Variants in COLEC12 observed in about 807,000 individuals in gnomAD.
COLEC12 encodes the protein collectin subfamily member 12, also known as collectin-12.
A neutral mutation model predicts 71.1 loss-of-function variants in COLEC12; 33 were observed. That is an observed-to-expected ratio of 0.46 (90% CI 0.35 to 0.62). The LOEUF (loss-of-function observed/expected upper bound fraction) is 0.62. Ranked by LOEUF, COLEC12 falls within the 20% of genes least tolerant of loss-of-function variation. The pLI is 0.00. For synonymous variants in COLEC12, 350 were observed against 353.0 expected (o/e 0.99, Z 0.10); for missense variants, 765 against 916.1 (o/e 0.84, Z 2.13).
At chr18:322,940 G>C (rs2143406274) in intron 8 of COLEC12, among the ~76,000 whole-genome samples, 2 of 152,244 alleles carry the variant, frequency 1.3e-5, no homozygotes, top group Admixed American at 1.3e-4. Context: ...AAATGAGTAT[G>C]AAGGCCGGGC....
chr18:352,569 C>T (rs1176473035), intron 3 of COLEC12, among the ~76,000 whole-genome samples: 2 of 152,088 alleles, frequency 1.3e-5, no homozygotes, highest in Non-Finnish European at 2.9e-5. Flanking sequence ...AAACTATTTT[C>T]CCTGCCCACA....
chr18:474,112 A>G (rs549025120), intron 2 of COLEC12, among the ~76,000 whole-genome samples: 3 of 152,200 alleles, frequency 2.0e-5, no homozygotes, highest in Non-Finnish European at 4.4e-5. Flanking sequence ...CTTTTCCATT[A>G]AAAATTTTGG....
At chr18:323,088 G>T (rs1370993943) in intron 8 of COLEC12, among the ~76,000 whole-genome samples, 1 of 152,192 alleles carries the variant, frequency 6.6e-6, no homozygotes, top group African/African-American at 2.4e-5. Flanking sequence ...AGCTGGGCAT[G>T]GTGGCAGGCA....
intron 2 of COLEC12, among the ~76,000 whole-genome samples, chr18:387,712 T>C (rs1915375629): frequency 6.6e-6 from 1 of 152,126 alleles, no homozygotes; most frequent in Non-Finnish European, 1.5e-5. Context: ...GCTAGGAAAA[T>C]TTGGGATCTT....
chr18:375,530 A>C (rs1262208787), intron 2 of COLEC12, among the ~76,000 whole-genome samples: 2 of 152,166 alleles, frequency 1.3e-5, no homozygotes, highest in Non-Finnish European at 2.9e-5. Flanking sequence ...TATGTTGCCC[A>C]GGCTGGAGTG....
intron 2 of COLEC12, among the ~76,000 whole-genome samples, chr18:369,058 T>C (rs56322670): frequency 0.36 from 54,523 of 152,052 alleles, 10,665 homozygotes; most frequent in Admixed American, 0.43. Context: ...CTGGAAGTAT[T>C]CACACCATTG....
chr18:441,844 C>T (rs1001610855), intron 2 of COLEC12, among the ~76,000 whole-genome samples: 1 of 151,654 alleles, frequency 6.6e-6, no homozygotes, highest in Non-Finnish European at 1.5e-5. Flanking sequence ...AAAAAAAATA[C>T]AAAAAATTAG....
intron 2 of COLEC12, among the ~76,000 whole-genome samples, chr18:409,087 C>G (rs1373655642): frequency 6.6e-6 from 1 of 150,608 alleles, no homozygotes; most frequent in Admixed American, 6.7e-5. Flanking sequence ...CCGCCTGCCT[C>G]AGCCTCCCAA....
At chr18:320,118 T>C (rs1913668095) in intron 9 of COLEC12, 54 bp from the exon 10 acceptor site, 3 of 1,025,914 alleles carry the variant, frequency 2.9e-6, no homozygotes, top group Admixed American at 4.4e-5. Context: ...ATAAAGTTAA[T>C]GTGCAATTCA....
rs575952326 is a variant in COLEC12, at chr18:318,016, G to T, written c.*2029C>A. The T allele has an allele frequency of 2.7e-5, 4 of 148,028 alleles. No homozygotes were observed. Among genetic ancestry groups the T allele is most frequent in the Non-Finnish European group, 6.0e-5 (4 of 67,158 alleles). The allele number at this position is 148,028 out of a possible 1,614,324, so 9.2% of individuals were successfully genotyped here. A position where few individuals can be genotyped will look rare whatever the true frequency, so the allele number is the denominator to read the frequency against. On this transcript the variant is annotated 3_prime_UTR_variant, in exon 10 of 10. Transcript: ENST00000400256. ...TTTTTGAGATGAGTCTCGCTCTGTC[G>T]CCCAGGCTGGAGTGCAGTGGCGCGA...
At chr18:467,695 T>C (rs140992600) in intron 2 of COLEC12, among the ~76,000 whole-genome samples, 40 of 152,334 alleles carry the variant, frequency 2.6e-4, no homozygotes, top group Middle Eastern at 6.8e-3. Context: ...GAATCTTCCA[T>C]GTTTGAGTCT....
At chr18:429,749 G>T (rs529801301) in intron 2 of COLEC12, among the ~76,000 whole-genome samples, 261 of 152,272 alleles carry the variant, frequency 1.7e-3, no homozygotes, top group African/African-American at 5.9e-3. Flanking sequence ...ACATAGAGCT[G>T]CATGATGACA....
In COLEC12 at chr18:408,318, C is replaced by CT. The variant is rs1249276459; in HGVS notation, c.59-50797dup. Among the ~76,000 whole-genome samples the CT allele has an allele frequency of 6.6e-6, 1 of 152,182 alleles. No individual in the cohort carries two copies. The highest frequency in any genetic ancestry group is 1.5e-5 in the Non-Finnish European group (1 of 68,034). On this transcript the variant is annotated intron_variant, in intron 2 of 9. Transcript: ENST00000400256. The surrounding 1 kb of genome is among the most constrained non-coding windows in gnomAD (Gnocchi z 4.3). ...CCCTGATACCTGCAAATGTCAGTCT[C>CT]TTTTTCCTAACTCAGCAGGTATCAG... is the stretch of plus-strand genomic sequence containing the variant.
chr18:333,284 T>A, intron 6 of COLEC12, 141 bp from the exon 7 acceptor site: 1 of 651,702 alleles, frequency 1.5e-6, no homozygotes, highest in Non-Finnish European at 2.6e-6. Flanking sequence ...CAGCTGACGT[T>A]CACGGACGTG....
intron 2 of COLEC12, among the ~76,000 whole-genome samples, chr18:398,985 G>C (rs13381676): frequency 4.5e-4 from 68 of 152,346 alleles, no homozygotes; most frequent in African/African-American, 1.6e-3. Flanking sequence ...GTAGTATCCA[G>C]ATCTAAATCC....
chr18:408,485 GA>G lies in COLEC12; in HGVS notation c.59-50964del, dbSNP rs1051687839. On this transcript the variant is annotated intron_variant, in intron 2 of 9. Transcript: ENST00000400256. The surrounding 1 kb of genome is among the most constrained non-coding windows in gnomAD (Gnocchi z 4.3). The stretch of plus-strand genomic sequence containing the variant: ...CAAAAACTCCTGTGGTTCATAAACA[GA>G]AAAAAAAATGTCAGATTTTGAACTT... Among the ~76,000 whole-genome samples the G allele has an allele frequency of 1.3e-5, 2 of 148,928 alleles. No individual in the cohort carries two copies. Among genetic ancestry groups the G allele is most frequent in the African/African-American group, 4.9e-5 (2 of 40,502 alleles).
In COLEC12 at chr18:480,042, A is replaced by G. The variant is rs1598378615; in HGVS notation, c.58+665T>C. Among the ~76,000 whole-genome samples, 1 of 152,160 alleles carries G rather than the reference A, an allele frequency of 6.6e-6. No homozygotes were observed. The highest frequency in any genetic ancestry group is 1.5e-5 in the Non-Finnish European group (1 of 68,032). ...CAAAAATCTCTGCTTCCATCCTCACATCACCTTCTCTCTGCAGTCACATCT... is the reference window on the plus strand; with the variant it reads ...CAAAAATCTCTGCTTCCATCCTCACGTCACCTTCTCTCTGCAGTCACATCT... On this transcript the variant is annotated intron_variant, in intron 2 of 9. Transcript: ENST00000400256. The surrounding 1 kb of genome is among the most constrained non-coding windows in gnomAD (Gnocchi z 4.1).
chr18:493,872 G>A (rs1366587889), intron 1 of COLEC12, among the ~76,000 whole-genome samples: 1 of 152,116 alleles, frequency 6.6e-6, no homozygotes, highest in Non-Finnish European at 1.5e-5. Flanking sequence ...AGACAAACTT[G>A]TTTAATGTTG....
intron 2 of COLEC12, among the ~76,000 whole-genome samples, chr18:385,282 T>A (rs1397000724): frequency 2.0e-5 from 3 of 151,866 alleles, no homozygotes; most frequent in Non-Finnish European, 4.4e-5. Context: ...GTACTCTAAT[T>A]AGACCCAACT....
Sources: allele counts gnomAD v4.1 joint callset (sites outside exome capture counted in the v4.1 genomes callset), GRCh38; gene constraint gnomAD v4.1.1; non-coding constraint Gnocchi (gnomAD v3.1); transcripts MANE v1.5; gene names NCBI Gene and HGNC (gene_info 2026-07-23, HGNC 2026-07-21).